Variants in CPAP observed in about 807,000 individuals in gnomAD.
CPAP encodes the protein centrosome assembly and centriole elongation protein.
the CPAP span, among the ~76,000 whole-genome samples, chr13:24,918,553 G>A: frequency 6.6e-6 from 1 of 152,052 alleles, no homozygotes; most frequent in Non-Finnish European, 1.5e-5. Flanking sequence ...TATGTTATGT[G>A]TATTATATAT....
At chr13:24,923,097 A>C in the CPAP span, among the ~76,000 whole-genome samples, 3 of 152,330 alleles carry the variant, frequency 2.0e-5, no homozygotes, top group Non-Finnish European at 4.4e-5. Context: ...TCCGTGGTGG[A>C]CGTCGCCCCA....
the CPAP span, among the ~76,000 whole-genome samples, chr13:24,919,101 G>A: frequency 1.3e-5 from 2 of 152,274 alleles, no homozygotes; most frequent in Middle Eastern, 3.4e-3. Context: ...AGGTAAATAG[G>A]TTATCTGAGT....
the CPAP span, chr13:24,892,787 G>A: frequency 1.9e-6 from 3 of 1,613,678 alleles, no homozygotes; most frequent in Non-Finnish European, 2.5e-6. Context: ...TCTGGCTTCT[G>A]AGACGGCTGT....
At chr13:24,907,976 G>T in the CPAP span, 1 of 1,285,140 alleles carries the variant, frequency 7.8e-7, no homozygotes, top group Non-Finnish European at 1.1e-6. Context: ...GCTAGCTATT[G>T]TACTAAATAG....
At chr13:24,885,231 T>G in the CPAP span, 1 of 1,267,332 alleles carries the variant, frequency 7.9e-7, no homozygotes, top group Non-Finnish European at 1.2e-6. Context: ...TTTTAACCCA[T>G]GTTTATTTTT....
At chr13:24,883,299 C>T in the CPAP span, 2 of 1,613,752 alleles carry the variant, frequency 1.2e-6, no homozygotes, top group Admixed American at 1.7e-5. Flanking sequence ...TCTGGGTATT[C>T]CCGTCTCTTG....
At chr13:24,884,867 C>T in the CPAP span, among the ~76,000 whole-genome samples, 1 of 152,180 alleles carries the variant, frequency 6.6e-6, no homozygotes, top group Non-Finnish European at 1.5e-5. Context: ...GGAAAAAATT[C>T]CCTCATCACC....
the CPAP span, chr13:24,905,220 A>G: frequency 1.2e-6 from 1 of 867,172 alleles, no homozygotes; most frequent in Non-Finnish European, 1.8e-6. Flanking sequence ...TTTACAAATC[A>G]CCCATTAATT....
At chr13:24,883,591 A>C in the CPAP span, among the ~76,000 whole-genome samples, 1 of 152,078 alleles carries the variant, frequency 6.6e-6, no homozygotes, top group African/African-American at 2.4e-5. Context: ...TTCATCACAA[A>C]ATGCTTAGTA....
chr13:24,883,053 C>T, the CPAP span: 6 of 885,338 alleles, frequency 6.8e-6, no homozygotes, highest in Admixed American at 7.8e-5. Flanking sequence ...ACAGGGTAAA[C>T]TTTTATTTTA....
chr13:24,923,756 CT>C, the CPAP span, among the ~76,000 whole-genome samples: 3 of 152,206 alleles, frequency 2.0e-5, no homozygotes, highest in Admixed American at 6.5e-5. Flanking sequence ...GTTTTGCTTT[CT>C]ACTTCAAAAA....
the CPAP span, among the ~76,000 whole-genome samples, chr13:24,915,450 A>C: frequency 1.3e-5 from 2 of 152,198 alleles, no homozygotes; most frequent in African/African-American, 4.8e-5. Context: ...CCTCAGCATA[A>C]AGATGGTATT....
At chr13:24,884,409 G>A in the CPAP span, 3 of 1,613,964 alleles carry the variant, frequency 1.9e-6, no homozygotes, top group East Asian at 4.5e-5. Flanking sequence ...ACTTCCTTTC[G>A]AGTTCCATTG....
the CPAP span, chr13:24,905,635 G>A: frequency 5.6e-6 from 9 of 1,614,142 alleles, no homozygotes; most frequent in Non-Finnish European, 7.6e-6. Flanking sequence ...TCTCTTCAAG[G>A]TCAGTCCAAG....
the CPAP span, chr13:24,909,757 T>A: frequency 1.9e-6 from 3 of 1,584,174 alleles, no homozygotes; most frequent in African/African-American, 1.3e-5. Flanking sequence ...AGTAACACTA[T>A]AAGCACAGAA....
At chr13:24,930,619 C>T in the CPAP span, among the ~76,000 whole-genome samples, 1 of 152,184 alleles carries the variant, frequency 6.6e-6, no homozygotes, top group Admixed American at 6.5e-5. Flanking sequence ...CCAGTTGCAT[C>T]CATGTTGCTG....
At chr13:24,886,248 G>C in the CPAP span, 2 of 1,187,624 alleles carry the variant, frequency 1.7e-6, no homozygotes, top group Non-Finnish European at 2.2e-6. Flanking sequence ...GAAGGGTCTC[G>C]AGCAAGTGCC....
the CPAP span, among the ~76,000 whole-genome samples, chr13:24,900,784 C>A: frequency 6.6e-6 from 1 of 152,120 alleles, no homozygotes; most frequent in Non-Finnish European, 1.5e-5. Context: ...CCAATGGGGT[C>A]CTGGTGGAGA....
At chr13:24,889,305 C>T in the CPAP span, 1 of 1,566,376 alleles carries the variant, frequency 6.4e-7, no homozygotes, top group Non-Finnish European at 8.8e-7. Context: ...AAAGATCATG[C>T]AGCCTCTTAC....
Sources: allele counts gnomAD v4.1 joint callset (sites outside exome capture counted in the v4.1 genomes callset), GRCh38; gene constraint gnomAD v4.1.1; transcripts MANE v1.5; gene names NCBI Gene and HGNC (gene_info 2026-07-23, HGNC 2026-07-21).